The following CLSTN2 variants were observed in gnomAD, a reference collection of about 807,000 sequenced individuals.
CLSTN2 encodes the protein calsyntenin-2.
CLSTN2 carries 48 observed loss-of-function variants against 101.2 expected under a neutral mutation model. The observed-to-expected ratio is 0.47, with a 90% confidence interval of 0.38 to 0.60. The LOEUF is 0.60. CLSTN2 is among the 20% of genes least tolerant of loss of function. The pLI is 0.00. For synonymous variants in CLSTN2, 481 were observed against 463.6 expected (o/e 1.04, Z -0.48); for missense variants, 1,160 against 1,238.2 (o/e 0.94, Z 0.95).
At chr3:140,439,265 G>T (rs972291178) in intron 5 of CLSTN2, among the ~76,000 whole-genome samples, 3 of 152,224 alleles carry the variant, frequency 2.0e-5, no homozygotes, top group African/African-American at 7.2e-5. Flanking sequence ...TTAACTAGTG[G>T]CACCAGTTCT....
intron 1 of CLSTN2, among the ~76,000 whole-genome samples, chr3:140,135,654 G>A (rs2107806510): frequency 6.6e-6 from 1 of 152,268 alleles, no homozygotes; most frequent in East Asian, 1.9e-4. Flanking sequence ...CTATAGTGGA[G>A]CACACAATAA....
chr3:140,321,316 C>T (rs2087281270), intron 2 of CLSTN2, among the ~76,000 whole-genome samples: 1 of 152,204 alleles, frequency 6.6e-6, no homozygotes, highest in Non-Finnish European at 1.5e-5. Flanking sequence ...TCTGTCCTCA[C>T]TGACACACCT....
intron 1 of CLSTN2, among the ~76,000 whole-genome samples, chr3:140,080,236 G>T (rs1055401307): frequency 2.0e-5 from 3 of 152,180 alleles, no homozygotes; most frequent in African/African-American, 7.2e-5. Flanking sequence ...TCTGGCCACA[G>T]CTGGGCCTCC....
At chr3:140,247,637 G>A (rs1297224499) in intron 2 of CLSTN2, among the ~76,000 whole-genome samples, 1 of 152,176 alleles carries the variant, frequency 6.6e-6, no homozygotes, top group Non-Finnish European at 1.5e-5. Flanking sequence ...CCTTGGGTGT[G>A]TTTGTTTATA....
intron 1 of CLSTN2, among the ~76,000 whole-genome samples, chr3:140,042,648 T>C (rs2107764348): frequency 1.3e-5 from 2 of 152,266 alleles, no homozygotes; most frequent in Middle Eastern, 3.4e-3. Flanking sequence ...ACATTAGGTA[T>C]ATCTCCTAAT....
At chr3:140,459,834 G>A (rs1191851342) in intron 7 of CLSTN2, 65 bp downstream of exon 7, 24 of 1,573,754 alleles carry the variant, frequency 1.5e-5, no homozygotes, top group Non-Finnish European at 2.1e-5. Context: ...GTCACAGGTG[G>A]CTGGACATGG....
intron 2 of CLSTN2, among the ~76,000 whole-genome samples, chr3:140,344,824 G>A (rs1237493191): frequency 6.6e-6 from 1 of 152,160 alleles, no homozygotes; most frequent in African/African-American, 2.4e-5. Context: ...TATTTCCCCA[G>A]CATGCAGCAC....
intron 8 of CLSTN2, among the ~76,000 whole-genome samples, chr3:140,523,914 G>C (rs777928011): frequency 1.3e-5 from 2 of 152,124 alleles, no homozygotes; most frequent in African/African-American, 2.4e-5. Context: ...CTCTTCCCCT[G>C]TTCAAATCCT....
chr3:140,222,952 A>G (rs962384171), intron 2 of CLSTN2, among the ~76,000 whole-genome samples: 2 of 151,598 alleles, frequency 1.3e-5, no homozygotes, highest in Non-Finnish European at 2.9e-5. Context: ...TCTTTGCCCA[A>G]TCTTAAATAA....
intron 6 of CLSTN2, chr3:140,452,539 T>C (rs1360516632): frequency 1.3e-5 from 2 of 152,316 alleles, no homozygotes; most frequent in Non-Finnish European, 2.9e-5. Context: ...AGGGTCATCA[T>C]GGAAATCTGG....
intron 1 of CLSTN2, among the ~76,000 whole-genome samples, chr3:140,056,797 T>C (rs937200051): frequency 2.0e-5 from 3 of 152,240 alleles, no homozygotes; most frequent in Non-Finnish European, 4.4e-5. Context: ...AAAAATGAAC[T>C]ATTTTGTAGC....
chr3:139,937,251 G>A (rs939013928), intron 1 of CLSTN2, among the ~76,000 whole-genome samples: 1 of 152,180 alleles, frequency 6.6e-6, no homozygotes, highest in African/African-American at 2.4e-5. Context: ...GATCTGGTGT[G>A]AGTAGTAATA....
chr3:139,961,234 C>T (rs1935503036), intron 1 of CLSTN2, among the ~76,000 whole-genome samples: 1 of 152,154 alleles, frequency 6.6e-6, no homozygotes, highest in African/African-American at 2.4e-5. Flanking sequence ...TATCACATCC[C>T]CCCACCCCCA....
chr3:140,425,514 T>C lies in CLSTN2; in HGVS notation c.787+4240T>C, dbSNP rs118076574. Among the ~76,000 whole-genome samples the C allele has an allele frequency of 1.1e-4, 16 of 152,332 alleles. No individual in the cohort carries two copies. The East Asian group carries it at 3.1e-3, about 29-fold the overall frequency. On this transcript the variant is annotated intron_variant, in intron 5 of 16. Transcript: ENST00000458420. ...ATCTACCAAGGCTATGGTTTTCTTA[T>C]TCCTGCCTTTTCTCTGTGGGTTGGT...
chr3:140,308,303 G>A (rs557773881), intron 2 of CLSTN2, among the ~76,000 whole-genome samples: 31 of 152,326 alleles, frequency 2.0e-4, no homozygotes, highest in African/African-American at 7.5e-4. Flanking sequence ...ATGTTGATGT[G>A]CAGGCAAGTT....
intron 5 of CLSTN2, among the ~76,000 whole-genome samples, chr3:140,448,234 T>C: frequency 7.1e-6 from 1 of 141,658 alleles, no homozygotes; most frequent in African/African-American, 2.6e-5. Context: ...TGTGTGTGTG[T>C]GTGTGTGTGC....
At chr3:139,966,866 A>T (rs1030638771) in intron 1 of CLSTN2, among the ~76,000 whole-genome samples, 1 of 152,156 alleles carries the variant, frequency 6.6e-6, no homozygotes, top group Non-Finnish European at 1.5e-5. Flanking sequence ...TCCTATGCTG[A>T]TGACCCAAGA....
chr3:139,983,750 A>G (rs1935974719), intron 1 of CLSTN2, among the ~76,000 whole-genome samples: 1 of 152,146 alleles, frequency 6.6e-6, no homozygotes, highest in African/African-American at 2.4e-5. Context: ...AAAAAAATCA[A>G]CCTCCAAATT....
chr3:140,497,642 A>T (rs923156704), intron 8 of CLSTN2, among the ~76,000 whole-genome samples: 1 of 152,082 alleles, frequency 6.6e-6, no homozygotes, highest in African/African-American at 2.4e-5. Context: ...ACAGAACGAC[A>T]CTTCTCAGCT....
Sources: allele counts gnomAD v4.1 joint callset (sites outside exome capture counted in the v4.1 genomes callset), GRCh38; gene constraint gnomAD v4.1.1; transcripts MANE v1.5; gene names NCBI Gene and HGNC (gene_info 2026-07-23, HGNC 2026-07-21).